Variants in GRM3 observed in about 807,000 individuals in gnomAD.
GRM3 encodes the protein metabotropic glutamate receptor 3.
Under a neutral mutation model 70.5 loss-of-function variants are expected in GRM3, and 26 were observed. The ratio of observed to expected loss-of-function variants is 0.37; its 90% CI spans 0.27 to 0.51. The LOEUF is 0.51. Ranked by LOEUF, GRM3 falls within the 20% of genes least tolerant of loss-of-function variation. GRM3 has a pLI of 0.93. For synonymous variants in GRM3, 443 were observed against 434.9 expected, an observed-to-expected ratio of 1.02 and a Z score of -0.23; for missense variants, 859 against 1,123.8, an observed-to-expected ratio of 0.76 and a Z score of 3.37.
chr7:86,836,287 T>G (rs1584272288), intron 3 of GRM3, among the ~76,000 whole-genome samples: 1 of 152,304 alleles, frequency 6.6e-6, no homozygotes, highest in African/African-American at 2.4e-5. Flanking sequence ...TTTTCTTCTA[T>G]GAATTTGCTC....
At chr7:86,761,476 G>T (rs1464205539) in intron 1 of GRM3, among the ~76,000 whole-genome samples, 1 of 152,080 alleles carries the variant, frequency 6.6e-6, no homozygotes, top group African/African-American at 2.4e-5. Flanking sequence ...TAGGGGAAAT[G>T]CATCTGATGT....
At chr7:86,658,917 T>TAAC (rs3835338) in intron 1 of GRM3, among the ~76,000 whole-genome samples, 103,057 of 151,594 alleles carry the variant, frequency 0.68, 35,405 homozygotes, top group East Asian at 0.87. Context: ...GCAAGGTTAT[T>TAAC]AATAATGTTA....
chr7:86,854,231 C>A (rs1798807444), intron 5 of GRM3, among the ~76,000 whole-genome samples: 1 of 152,164 alleles, frequency 6.6e-6, no homozygotes, highest in South Asian at 2.1e-4. Flanking sequence ...ACAGCCATAT[C>A]AATTCCAAGT....
intron 2 of GRM3, among the ~76,000 whole-genome samples, chr7:86,779,655 G>A (rs1297124329): frequency 6.6e-6 from 1 of 152,164 alleles, no homozygotes; most frequent in East Asian, 1.9e-4. Flanking sequence ...AAACACATGA[G>A]GGAATGAAAG....
chr7:86,805,143 A>T (rs1016124342), intron 3 of GRM3, among the ~76,000 whole-genome samples: 15 of 152,218 alleles, frequency 9.9e-5, no homozygotes, highest in Non-Finnish European at 1.8e-4. Context: ...GATAAAGAGG[A>T]TGGTAGTATA....
chr7:86,656,917 A>T (rs1793760840), intron 1 of GRM3, among the ~76,000 whole-genome samples: 1 of 152,104 alleles, frequency 6.6e-6, no homozygotes. Flanking sequence ...ACGAATAAAG[A>T]TCTTGTCTGT....
At chr7:86,763,292 T>C (rs143695507) in intron 1 of GRM3, among the ~76,000 whole-genome samples, 3 of 152,242 alleles carry the variant, frequency 2.0e-5, no homozygotes, top group Admixed American at 6.5e-5. Context: ...CAAGGGCATG[T>C]GGCTGCAACC....
chr7:86,852,950 T>G (rs987538178), intron 5 of GRM3, among the ~76,000 whole-genome samples: 1 of 152,162 alleles, frequency 6.6e-6, no homozygotes, highest in South Asian at 2.1e-4. Flanking sequence ...TTAAAAACTT[T>G]CCCATTTTAA....
chr7:86,809,157 G>A (rs907964448), intron 3 of GRM3, among the ~76,000 whole-genome samples: 42 of 152,126 alleles, frequency 2.8e-4, no homozygotes, highest in Admixed American at 1.8e-3. Context: ...ATGTTTTAAA[G>A]TCTCCAAGCC....
intron 2 of GRM3, among the ~76,000 whole-genome samples, chr7:86,772,372 C>A (rs1195864143): frequency 6.6e-6 from 1 of 152,094 alleles, no homozygotes; most frequent in African/African-American, 2.4e-5. Context: ...AAGCATTTCT[C>A]TGCAATGGAA....
chr7:86,812,431 G>A (rs761286762), intron 3 of GRM3, among the ~76,000 whole-genome samples: 3 of 151,768 alleles, frequency 2.0e-5, no homozygotes, highest in Non-Finnish European at 4.4e-5. Context: ...TTTAGAGTAT[G>A]TGGCTACAGA....
At chr7:86,677,298 A>G (rs1163389745) in intron 1 of GRM3, among the ~76,000 whole-genome samples, 2 of 152,008 alleles carry the variant, frequency 1.3e-5, no homozygotes, top group East Asian at 3.9e-4. Context: ...TATGAGAAGT[A>G]GTTCCAGAAC....
At chr7:86,791,355 A>C (rs1010593843) in intron 3 of GRM3, among the ~76,000 whole-genome samples, 2 of 152,246 alleles carry the variant, frequency 1.3e-5, no homozygotes, top group Non-Finnish European at 2.9e-5. Context: ...TCAAGAAAGG[A>C]AAGTGTATGA....
At chr7:86,724,895 G>C (rs1795556339) in intron 1 of GRM3, among the ~76,000 whole-genome samples, 1 of 152,076 alleles carries the variant, frequency 6.6e-6, no homozygotes, top group Admixed American at 6.6e-5. Flanking sequence ...ATATACTTCA[G>C]TTTGTGTGGT....
At chr7:86,657,756 A>T (rs1179279565) in intron 1 of GRM3, among the ~76,000 whole-genome samples, 1 of 152,174 alleles carries the variant, frequency 6.6e-6, no homozygotes, top group Non-Finnish European at 1.5e-5. Flanking sequence ...ATGATGGCCT[A>T]AACTAGGGCA....
At chr7:86,687,252 A>T (rs1011694363) in intron 1 of GRM3, among the ~76,000 whole-genome samples, 1 of 151,992 alleles carries the variant, frequency 6.6e-6, no homozygotes, top group Admixed American at 6.6e-5. Context: ...TAGACATAAG[A>T]TCCAAAAAGC....
At chr7:86,664,569 C>A (rs1282681790) in intron 1 of GRM3, among the ~76,000 whole-genome samples, 2 of 151,894 alleles carry the variant, frequency 1.3e-5, no homozygotes, top group Non-Finnish European at 2.9e-5. Flanking sequence ...CTAAGAAAAA[C>A]AAGCCAGTGT....
chr7:86,664,458 T>A (rs1264660060), intron 1 of GRM3, among the ~76,000 whole-genome samples: 2 of 151,992 alleles, frequency 1.3e-5, no homozygotes, highest in African/African-American at 4.8e-5. Flanking sequence ...CCTACTATTA[T>A]GTCAATATAT....
At chr7:86,816,950 A>G (rs1798029038) in intron 3 of GRM3, among the ~76,000 whole-genome samples, 1 of 151,970 alleles carries the variant, frequency 6.6e-6, no homozygotes, top group African/African-American at 2.4e-5. Context: ...GAAGAAAGAG[A>G]AAAAGGCACA....
Sources: gnomAD v4.1 joint callset for allele counts (sites outside exome capture counted in the v4.1 genomes callset) on GRCh38, gnomAD v4.1.1 for gene constraint, MANE v1.5 for transcripts, NCBI Gene and HGNC (gene_info 2026-07-23, HGNC 2026-07-21) for gene names.